The following SYDE1 variants were observed in gnomAD, a reference collection of about 807,000 sequenced individuals.
SYDE1 encodes synapse defective Rho GTPase activating protein 1, also known as rho GTPase-activating protein SYDE1.
SYDE1 carries 34 observed loss-of-function variants against 63.3 expected under a neutral mutation model. The observed-to-expected ratio is 0.54, with a 90% CI of 0.41 to 0.71. The LOEUF (loss-of-function observed/expected upper bound fraction) is 0.71. Ranked by LOEUF, SYDE1 falls within the 30% of genes least tolerant of loss-of-function variation. The pLI is 0.00. For missense variants in SYDE1, 925 were observed against 1,042.5 expected, an observed-to-expected ratio of 0.89 and a Z score of 1.55; for synonymous variants, 467 against 473.4, an observed-to-expected ratio of 0.99 and a Z score of 0.18.
chr19:15,114,743 G>GT lies in SYDE1; in HGVS notation c.*781dup, dbSNP rs906572887. 1 of 193,130 alleles carries GT rather than the reference G, an allele frequency of 5.2e-6. No individual in the cohort carries two copies. The highest frequency in any genetic ancestry group is 2.4e-5 in the African/African-American group (1 of 42,318). 12.0% of individuals were successfully genotyped at this position (193,130 alleles called of 1,614,324 possible). ...ACATATTTATTGCCTCCATGCATGTGTGTGTGTGTCTGTGAGGACTGGTGT... is the reference window on the plus strand; with the variant it reads ...ACATATTTATTGCCTCCATGCATGTGTTGTGTGTGTCTGTGAGGACTGGTGT... On this transcript the variant is annotated 3_prime_UTR_variant, in exon 8 of 8. Coordinates refer to ENST00000342784, the MANE Select transcript of SYDE1 (RefSeq NM_033025.6).
chr19:15,109,912 C>T lies in SYDE1; in HGVS notation c.639C>T (p.Pro213=), dbSNP rs1261970515. The change falls in exon 3 of 8, where the codon CCC becomes CCT. Residue 213 remains proline, a synonymous_variant. Transcript: ENST00000342784. The surrounding 1 kb of genome is among the most constrained non-coding windows in gnomAD (Gnocchi z 5.0). ...ACCTGGACAGCAGCGTGGGGGGCCCCGGGCCGGCAGCAGGGCCTGGGGGCA... is the reference window on the plus strand; with the variant it reads ...ACCTGGACAGCAGCGTGGGGGGCCCTGGGCCGGCAGCAGGGCCTGGGGGCA... ...RYHLDSSVGG[P]GPAAGPGGTR... is the part of the protein sequence containing the mutation. 1.4e-6 allele frequency: 2 copies of T among 1,463,076 alleles called. No individual in the cohort carries two copies. The highest frequency in any genetic ancestry group is 2.5e-5 in the Admixed American group (1 of 39,914). 90.6% of individuals were successfully genotyped at this position (1,463,076 alleles called of 1,614,324 possible).
At chr19:15,107,772 AG>A (rs1254342363) in intron 1 of SYDE1, among the ~76,000 whole-genome samples, 1 of 116,524 alleles carries the variant, frequency 8.6e-6, no homozygotes, top group East Asian at 2.7e-4. Flanking sequence ...GAGGCCCGGG[AG>A]GGGGCCTCGC....
chr19:15,110,851 A>G lies in SYDE1; in HGVS notation c.1290+116A>G, dbSNP rs1411425470. Reference sequence around the variant, plus strand: ...CAGGCCTGAGCCACTCCTAGCTCCAATCCCAACCTAGACAAGGGCAGAAGG... The same window carrying G: ...CAGGCCTGAGCCACTCCTAGCTCCAGTCCCAACCTAGACAAGGGCAGAAGG... On this transcript the variant is annotated intron_variant, in intron 4 of 7. Coordinates refer to ENST00000342784, the MANE Select transcript of SYDE1 (RefSeq NM_033025.6). The surrounding 1 kb of genome is among the most constrained non-coding windows in gnomAD (Gnocchi z 6.9). 8 of 916,534 alleles carry G rather than the reference A, an allele frequency of 8.7e-6. No individual in the cohort carries two copies. Among genetic ancestry groups the G allele is most frequent in the Non-Finnish European group, 1.3e-5 (8 of 627,740 alleles). 56.8% of individuals were successfully genotyped at this position (916,534 alleles called of 1,614,324 possible).
chr19:15,113,799 G>A lies in SYDE1; in HGVS notation c.2044G>A (p.Asp682Asn). 6.2e-7 allele frequency: 1 copy of A among 1,614,184 alleles called. No homozygotes were observed. The highest frequency in any genetic ancestry group is 1.1e-5 in the South Asian group (1 of 91,088). ...GPDYDHVTGS[D>N]SEDEDEEVGE... ...AGACTACGACCACGTGACGGGCAGT[G>A]ACAGCGAGGACGAGGACGAGGAGGT... Residue 682 changes from aspartate to asparagine, a missense_variant, in exon 8 of 8, where the codon GAC (aspartate) becomes AAC (asparagine). Asp to Asn is a conservative substitution (Grantham distance 23). This residue lies in a region of SYDE1 where 255 missense variants were observed against 255.9 expected (regional missense o/e 1.00). Transcript: ENST00000342784.
In SYDE1 at chr19:15,109,125, C is replaced by A; in HGVS notation, c.158C>A (p.Ala53Asp). Reference sequence around the variant, plus strand: ...CCCCAGGCTCCCGAAGGGTCCCAGGCCGGAGCAGAGGGGCCCTCCAGCCCC... The same window carrying A: ...CCCCAGGCTCCCGAAGGGTCCCAGGACGGAGCAGAGGGGCCCTCCAGCCCC... ...PEPQAPEGSQ[A>D]GAEGPSSPEA... The change falls in exon 2 of 8, where the codon GCC becomes GAC. Residue 53 changes from alanine to aspartate, a missense_variant. Transcript: ENST00000342784. This position sits in a 1 kb window ranked among gnomAD's most constrained non-coding sequence, Gnocchi z 5.0. 7.7e-6 allele frequency: 12 copies of A among 1,549,684 alleles called. No individual in the cohort carries two copies. Among genetic ancestry groups the A allele is most frequent in the Non-Finnish European group, 1.0e-5 (12 of 1,146,580 alleles).
chr19:15,108,434 G>C lies in SYDE1; in HGVS notation c.89-622G>C, dbSNP rs1172791059. 6.6e-6 allele frequency among the ~76,000 whole-genome samples: 1 copy of C among 152,134 alleles called. No homozygotes were observed. Among genetic ancestry groups the C allele is most frequent in the East Asian group, 1.9e-4 (1 of 5,184 alleles). The stretch of plus-strand genomic sequence containing the variant: ...GGGGAAGTCCCAAAGCATTGAGCGT[G>C]GGGGGTCTGGCCTGGGCTGAGGGAC... On this transcript the variant is annotated intron_variant, in intron 1 of 7. Coordinates refer to ENST00000342784, the MANE Select transcript of SYDE1 (RefSeq NM_033025.6). The surrounding 1 kb of genome is among the most constrained non-coding windows in gnomAD (Gnocchi z 4.3).
At position 15,110,455 on chromosome 19, in the gene SYDE1, G is replaced by A; in HGVS notation, c.1076-66G>A. On this transcript the variant is annotated intron_variant, in intron 3 of 7. Transcript: ENST00000342784. This position sits in a 1 kb window ranked among gnomAD's most constrained non-coding sequence, Gnocchi z 6.9. The stretch of plus-strand genomic sequence containing the variant: ...GGCTCCGGGCGGAAGGTGTGGCCTG[G>A]AGCAGCGAGGCCAGGGTACATGAAG... 6.6e-7 allele frequency: 1 copy of A among 1,504,774 alleles called. No homozygotes were observed. The highest frequency in any genetic ancestry group is 8.9e-7 in the Non-Finnish European group (1 of 1,122,216). The allele number at this position is 1,504,774 out of a possible 1,614,324, so 93.2% of individuals were successfully genotyped here.
Position 15,110,052 on chromosome 19 carries a change from C to A in SYDE1, c.779C>A (p.Pro260His). 1 of 1,499,886 alleles carries A rather than the reference C, an allele frequency of 6.7e-7. No individual in the cohort carries two copies. Among genetic ancestry groups the A allele is most frequent in the African/African-American group, 1.4e-5 (1 of 69,174 alleles). The allele number at this position is 1,499,886 out of a possible 1,614,324, so 92.9% of individuals were successfully genotyped here. A position where few individuals can be genotyped will look rare whatever the true frequency, so the allele number is the denominator to read the frequency against. ...GAGGTGGGTCCCGCAGCCCGGGCAC[C>A]CCCGGCCGCACTCTGGGGCCGCCTC... is the stretch of plus-strand genomic sequence containing the variant. ...PYEVGPAARA[P>H]PAALWGRLSL... Residue 260 changes from proline to histidine, a missense_variant, in exon 3 of 8, where the codon CCC becomes CAC. By Grantham distance (77) the Pro-to-His change is moderately conservative. Around this residue, in one of 3 missense-constraint regions of SYDE1, gnomAD observed 599 missense variants for 653.7 expected, o/e 0.92. Coordinates refer to ENST00000342784, the MANE Select transcript of SYDE1 (RefSeq NM_033025.6). This position sits in a 1 kb window ranked among gnomAD's most constrained non-coding sequence, Gnocchi z 6.9.
At position 15,113,600 on chromosome 19, in the gene SYDE1, C is replaced by G; in HGVS notation, c.1845C>G (p.Tyr615Ter). 2 of 1,593,412 alleles carry G rather than the reference C, an allele frequency of 1.3e-6. No homozygotes were observed. Among genetic ancestry groups the G allele is most frequent in the Non-Finnish European group, 1.7e-6 (2 of 1,168,578 alleles). Residue 615 changes from tyrosine (Y) to a stop codon, truncating the protein, a stop_gained, in exon 8 of 8, where the codon TAC becomes TAG. Transcript: ENST00000342784. LOFTEE classifies it high-confidence loss of function. Reference sequence around the variant, plus strand: ...GACAATCTCCAGATGTCGCGCCTTACTTGCGACCCAAACGACAGCCACCTC... The same window carrying G: ...GACAATCTCCAGATGTCGCGCCTTAGTTGCGACCCAAACGACAGCCACCTC... ...LPRQSPDVAP[Y>*]LRPKRQPPLH...
rs13301 is a variant in SYDE1, at chr19:15,114,537, T to C, written c.*574T>C. 107,836 of 153,920 alleles carry C rather than the reference T, an allele frequency of 0.7. 38,037 individuals are homozygous for C. Among genetic ancestry groups the C allele is most frequent in the Non-Finnish European group, 0.72 (50,302 of 69,516 alleles). 9.5% of individuals were successfully genotyped at this position (153,920 alleles called of 1,614,324 possible). ...AAACAGCTGGTTTCCCCTACCCTTT[T>C]CCGGGGAAGTCCCCACGATTGGCCT... On this transcript the variant is annotated 3_prime_UTR_variant, in exon 8 of 8. Coordinates refer to ENST00000342784, the MANE Select transcript of SYDE1 (RefSeq NM_033025.6).
chr19:15,113,709 G>A lies in SYDE1; in HGVS notation c.1954G>A (p.Ala652Thr). 1 of 1,613,534 alleles carries A rather than the reference G, an allele frequency of 6.2e-7. No homozygotes were observed. Among genetic ancestry groups the A allele is most frequent in the Non-Finnish European group, 8.5e-7 (1 of 1,179,840 alleles). ...GPESPPSNRY[A>T]GDWSVCGRDF... ...CGAAAGCCCCCCGAGCAACCGCTAC[G>A]CCGGCGACTGGAGCGTTTGCGGGCG... Residue 652 changes from alanine to threonine, a missense_variant, in exon 8 of 8, where the codon GCC becomes ACC. By Grantham distance (58) the Ala-to-Thr change is moderately conservative (BLOSUM62 0). This residue lies in a region of SYDE1 where 255 missense variants were observed against 255.9 expected (regional missense o/e 1.00). Coordinates refer to ENST00000342784, the MANE Select transcript of SYDE1 (RefSeq NM_033025.6).
At position 15,110,495 on chromosome 19, in the gene SYDE1, C is replaced by A; in HGVS notation, c.1076-26C>A. On this transcript the variant is annotated intron_variant, in intron 3 of 7. Coordinates refer to ENST00000342784, the MANE Select transcript of SYDE1 (RefSeq NM_033025.6). This position sits in a 1 kb window ranked among gnomAD's most constrained non-coding sequence, Gnocchi z 6.9. Reference sequence around the variant, plus strand: ...GGTACATGAAGCTTCAGAGCACACCCGGCTCAGGCCCCCTTGTGTCCTCAG... The same window carrying A: ...GGTACATGAAGCTTCAGAGCACACCAGGCTCAGGCCCCCTTGTGTCCTCAG... 1 of 1,544,166 alleles carries A rather than the reference C, an allele frequency of 6.5e-7. No individual in the cohort carries two copies.
In SYDE1 at chr19:15,113,932, A is replaced by G; in HGVS notation, c.2177A>G (p.Glu726Gly). Reference protein sequence around the residue: ...FDALILDLERELSKQINVCL With the variant: ...FDALILDLERGLSKQINVCL Reference sequence around the variant, plus strand: ...GCCCTCATCCTGGATCTGGAGAGAGAGCTCTCCAAGCAAATCAACGTGTGC... The same window carrying G: ...GCCCTCATCCTGGATCTGGAGAGAGGGCTCTCCAAGCAAATCAACGTGTGC... Residue 726 changes from glutamate to glycine, a missense_variant, in exon 8 of 8, where the codon GAG (glutamate) becomes GGG (glycine). This residue lies in a region of SYDE1 where 255 missense variants were observed against 255.9 expected (regional missense o/e 1.00). Coordinates refer to ENST00000342784, the MANE Select transcript of SYDE1 (RefSeq NM_033025.6). The G allele has an allele frequency of 6.2e-7, 1 of 1,613,546 alleles. No homozygotes were observed. The highest frequency in any genetic ancestry group is 8.5e-7 in the Non-Finnish European group (1 of 1,179,732).
In SYDE1 at chr19:15,114,055, G is replaced by A. The variant is rs2046366496; in HGVS notation, c.*92G>A. On this transcript the variant is annotated 3_prime_UTR_variant, in exon 8 of 8. Transcript: ENST00000342784. Reference sequence around the variant, plus strand: ...GTGACCAAGGAGAGCCAGACCTGTTGCTCAGGCCGAGCTCCTGGTTGCCAG... The same window carrying A: ...GTGACCAAGGAGAGCCAGACCTGTTACTCAGGCCGAGCTCCTGGTTGCCAG... 2.2e-6 allele frequency: 3 copies of A among 1,343,180 alleles called. No homozygotes were observed. The highest frequency in any genetic ancestry group is 3.1e-6 in the Non-Finnish European group (3 of 979,534). 83.2% of individuals were successfully genotyped at this position (1,343,180 alleles called of 1,614,324 possible). A position where few individuals can be genotyped will look rare whatever the true frequency, so the allele number is the denominator to read the frequency against.
rs1457296558 is a variant in SYDE1 at position 15,109,832 on chromosome 19, G to C, written c.559G>C (p.Ala187Pro). ...CCGCCTGAGCCTGCGAGGCCCCCGG[G>C]CTGGCAGGGAGCGCGAGAGGGCTGC... ...RRRLSLRGPRAGRERERAAPA... is the reference protein window; with the variant it reads ...RRRLSLRGPRPGRERERAAPA... Residue 187 changes from alanine to proline, a missense_variant, in exon 3 of 8, where the codon GCT becomes CCT. Ala to Pro is a conservative substitution (Grantham distance 27). Transcript: ENST00000342784. The surrounding 1 kb of genome is among the most constrained non-coding windows in gnomAD (Gnocchi z 5.0). 1.3e-6 allele frequency: 2 copies of C among 1,533,580 alleles called. No individual in the cohort carries two copies. Among genetic ancestry groups the C allele is most frequent in the African/African-American group, 1.4e-5 (1 of 72,958 alleles). 95.0% of individuals were successfully genotyped at this position (1,533,580 alleles called of 1,614,324 possible).
chr19:15,110,438 G>T lies in SYDE1; in HGVS notation c.1076-83G>T. 1 of 1,487,042 alleles carries T rather than the reference G, an allele frequency of 6.7e-7. No homozygotes were observed. The highest frequency in any genetic ancestry group is 9.0e-7 in the Non-Finnish European group (1 of 1,114,040). 92.1% of individuals were successfully genotyped at this position (1,487,042 alleles called of 1,614,324 possible). A position where few individuals can be genotyped will look rare whatever the true frequency, so the allele number is the denominator to read the frequency against. On this transcript the variant is annotated intron_variant, in intron 3 of 7. Transcript: ENST00000342784. The surrounding 1 kb of genome is among the most constrained non-coding windows in gnomAD (Gnocchi z 6.9). ...GAGTGCCTAGGGGGCTGGGCTCCGG[G>T]CGGAAGGTGTGGCCTGGAGCAGCGA...
chr19:15,110,383 G>T lies in SYDE1; in HGVS notation c.1075+35G>T. 1 of 1,437,726 alleles carries T rather than the reference G, an allele frequency of 7.0e-7. No individual in the cohort carries two copies. The highest frequency in any genetic ancestry group is 1.5e-5 in the South Asian group (1 of 68,330). The allele number at this position is 1,437,726 out of a possible 1,614,324, so 89.1% of individuals were successfully genotyped here. A position where few individuals can be genotyped will look rare whatever the true frequency, so the allele number is the denominator to read the frequency against. Reference sequence around the variant, plus strand: ...GCGGCTGCAGGGGAGGAGGGGCAGGGACCCCCAAACCCCACCGCCACCCCC... The same window carrying T: ...GCGGCTGCAGGGGAGGAGGGGCAGGTACCCCCAAACCCCACCGCCACCCCC... On this transcript the variant is annotated intron_variant, in intron 3 of 7. Transcript: ENST00000342784. This position sits in a 1 kb window ranked among gnomAD's most constrained non-coding sequence, Gnocchi z 6.9.
chr19:15,114,212 T>G lies in SYDE1; in HGVS notation c.*249T>G. The G allele has an allele frequency of 2.0e-6, 1 of 510,014 alleles. No homozygotes were observed. Among genetic ancestry groups the G allele is most frequent in the South Asian group, 2.6e-5 (1 of 37,924 alleles). The allele number at this position is 510,014 out of a possible 1,614,324, so 31.6% of individuals were successfully genotyped here. On this transcript the variant is annotated 3_prime_UTR_variant, in exon 8 of 8. Transcript: ENST00000342784. Reference sequence around the variant, plus strand: ...GACCAGCGGTTGTGACCATCTTTCCTGAGCACCAAGGGCTTCCCCTTTTGT... The same window carrying G: ...GACCAGCGGTTGTGACCATCTTTCCGGAGCACCAAGGGCTTCCCCTTTTGT...
intron 1 of SYDE1, 64 bp downstream of exon 1, chr19:15,107,585 A>C (rs1178075695): frequency 1.7e-6 from 2 of 1,171,342 alleles, no homozygotes; most frequent in East Asian, 3.8e-5. Context: ...GCGGGGTCCC[A>C]GGGCCCCGAG....
Sources: gnomAD v4.1 joint callset for allele counts (sites outside exome capture counted in the v4.1 genomes callset) on GRCh38, gnomAD v4.1.1 for gene constraint, gnomAD v4.1.1 regional missense constraint, Gnocchi (gnomAD v3.1) non-coding constraint, MANE v1.5 for transcripts, NCBI Gene and HGNC (gene_info 2026-07-23, HGNC 2026-07-21) for gene names.